The following PTPRZ1 variants were observed in gnomAD, a reference collection of about 807,000 sequenced individuals.
PTPRZ1 encodes the protein receptor-type tyrosine-protein phosphatase zeta.
PTPRZ1 carries 82 observed loss-of-function variants against 214.1 expected under a neutral mutation model. The ratio of observed to expected loss-of-function variants is 0.38; its 90% CI spans 0.32 to 0.46. PTPRZ1 has a LOEUF of 0.46. Among genes scored for constraint, PTPRZ1 ranks in the 20% least tolerant of loss-of-function variants. The pLI is 1.00. For synonymous variants in PTPRZ1, 945 were observed against 987.9 expected (o/e 0.96, Z 0.81); for missense variants, 2,603 against 2,748.7 (o/e 0.95, Z 1.19).
intron 2 of PTPRZ1, among the ~76,000 whole-genome samples, chr7:121,962,044 T>C (rs1452007980): frequency 6.6e-6 from 1 of 152,208 alleles, no homozygotes; most frequent in Non-Finnish European, 1.5e-5. Flanking sequence ...GGCTACAATA[T>C]AGTGAATTCT....
At chr7:122,019,680 CACAT>C (rs1798958754) in intron 13 of PTPRZ1, among the ~76,000 whole-genome samples, 1 of 152,028 alleles carries the variant, frequency 6.6e-6, no homozygotes, top group Non-Finnish European at 1.5e-5. Flanking sequence ...GTATTAACTG[CACAT>C]ACTGATAAAA....
At chr7:121,919,806 C>G (rs988624338) in intron 1 of PTPRZ1, among the ~76,000 whole-genome samples, 1 of 60,688 alleles carries the variant, frequency 1.6e-5, no homozygotes, top group South Asian at 5.6e-4. Flanking sequence ...TTCTATTGAT[C>G]TGTCTATCAA....
Position 121,935,548 on chromosome 7 carries a change from G to T in PTPRZ1, c.124+7327G>T, listed in dbSNP as rs558757662. On this transcript the variant is annotated intron_variant, in intron 2 of 29. Transcript: ENST00000393386. Reference sequence around the variant, plus strand: ...GTTTTTGTTTTTTGGGGTTTTTTTTGTTTGTTTGTTTGTTTGTTTGTTTGT... The same window carrying T: ...GTTTTTGTTTTTTGGGGTTTTTTTTTTTTGTTTGTTTGTTTGTTTGTTTGT... 3.9e-3 allele frequency among the ~76,000 whole-genome samples: 158 copies of T among 40,076 alleles called. 1 individual carries two copies. Among genetic ancestry groups the T allele is most frequent in the Middle Eastern group, 0.014 (1 of 70 alleles). The allele number at this position is 40,076 out of a possible 152,430, so 26.3% of individuals were successfully genotyped here.
Position 122,039,640 on chromosome 7 carries a change from T to C in PTPRZ1, c.5637+52T>C, listed in dbSNP as rs761382808. On this transcript the variant is annotated intron_variant, in intron 20 of 29. Coordinates refer to ENST00000393386, the MANE Select transcript of PTPRZ1 (RefSeq NM_002851.3). ...TCAAGTGAACAATGCATTTGGTCAT[T>C]TTTTAAGTGAATAAGCGATAGAACC... is the stretch of plus-strand genomic sequence containing the variant. The C allele has an allele frequency of 1.9e-6, 3 of 1,589,344 alleles. No homozygotes were observed. The South Asian group carries it at 3.4e-5, about 18-fold the overall frequency.
At chr7:121,913,449 T>G (rs1795335047) in intron 1 of PTPRZ1, among the ~76,000 whole-genome samples, 1 of 152,230 alleles carries the variant, frequency 6.6e-6, no homozygotes, top group Non-Finnish European at 1.5e-5. Context: ...TTAGGGGAAG[T>G]GACCTCAGAA....
chr7:121,971,089 G>C (rs973798519), intron 3 of PTPRZ1, among the ~76,000 whole-genome samples: 1 of 151,938 alleles, frequency 6.6e-6, no homozygotes, highest in Non-Finnish European at 1.5e-5. Context: ...TTTTTTTCAG[G>C]TTTGTCAAAG....
intron 2 of PTPRZ1, among the ~76,000 whole-genome samples, chr7:121,964,707 G>A (rs890787221): frequency 6.6e-6 from 1 of 152,160 alleles, no homozygotes; most frequent in African/African-American, 2.4e-5. Context: ...GAGTTACCAA[G>A]GGAGGAAGTA....
At chr7:122,016,641 T>C (rs181721671) in intron 12 of PTPRZ1, among the ~76,000 whole-genome samples, 1 of 152,044 alleles carries the variant, frequency 6.6e-6, no homozygotes, top group African/African-American at 2.4e-5. Flanking sequence ...AGTGTCTGTA[T>C]ATAAATATGT....
intron 1 of PTPRZ1, among the ~76,000 whole-genome samples, chr7:121,909,948 A>G (rs1315256829): frequency 6.6e-6 from 1 of 152,192 alleles, no homozygotes; most frequent in Admixed American, 6.6e-5. Flanking sequence ...GTTTTAAACT[A>G]CATGCATGTC....
intron 2 of PTPRZ1, among the ~76,000 whole-genome samples, chr7:121,930,574 AT>A (rs1441875095): frequency 1.3e-5 from 2 of 152,080 alleles, no homozygotes; most frequent in Non-Finnish European, 2.9e-5. Flanking sequence ...ATTTCCCCAC[AT>A]TTTCACTAAC....
intron 8 of PTPRZ1, among the ~76,000 whole-genome samples, chr7:121,984,967 T>C (rs141289801): frequency 8.6e-4 from 131 of 152,318 alleles, no homozygotes; most frequent in Non-Finnish European, 1.7e-3. Flanking sequence ...GATGGACCTC[T>C]TTGATATCAG....
chr7:121,904,536 T>A (rs1795063537), intron 1 of PTPRZ1, among the ~76,000 whole-genome samples: 1 of 152,212 alleles, frequency 6.6e-6, no homozygotes, highest in Admixed American at 6.5e-5. Flanking sequence ...TTTGAGTTTT[T>A]AATTTTTGAT....
intron 1 of PTPRZ1, among the ~76,000 whole-genome samples, chr7:121,895,978 G>A (rs902666100): frequency 5.9e-5 from 9 of 152,086 alleles, no homozygotes; most frequent in African/African-American, 2.2e-4. Context: ...AGGCTCCCTA[G>A]TCATTCTGCC....
chr7:121,902,674 T>C (rs191917653), intron 1 of PTPRZ1, among the ~76,000 whole-genome samples: 157 of 152,292 alleles, frequency 1.0e-3, no homozygotes, highest in African/African-American at 3.6e-3. Flanking sequence ...TTGAGAAATA[T>C]CTATTCAGAT....
intron 1 of PTPRZ1, among the ~76,000 whole-genome samples, chr7:121,918,744 A>C (rs1563017130): frequency 6.6e-6 from 1 of 152,084 alleles, no homozygotes; most frequent in African/African-American, 2.4e-5. Context: ...ATATGAAAAA[A>C]TAAAAATCAC....
chr7:121,903,117 C>T (rs1795018577), intron 1 of PTPRZ1, among the ~76,000 whole-genome samples: 1 of 152,176 alleles, frequency 6.6e-6, no homozygotes, highest in Non-Finnish European at 1.5e-5. Flanking sequence ...CAGTCCGTTG[C>T]TTGCATAGAA....
chr7:121,940,367 C>G (rs1410575015), intron 2 of PTPRZ1, among the ~76,000 whole-genome samples: 1 of 152,146 alleles, frequency 6.6e-6, no homozygotes, highest in Non-Finnish European at 1.5e-5. Flanking sequence ...GATTAATCAA[C>G]ATTGTCACAC....
At chr7:121,908,796 G>C (rs761206511) in intron 1 of PTPRZ1, 2 of 490,466 alleles carry the variant, frequency 4.1e-6, no homozygotes, top group Non-Finnish European at 8.0e-6. Flanking sequence ...ATCTTTCTGG[G>C]ATAAATGTGA....
At chr7:121,873,618 A>G in intron 1 of PTPRZ1, 61 bp downstream of exon 1, 1 of 1,582,968 alleles carries the variant, frequency 6.3e-7, no homozygotes, top group Non-Finnish European at 8.7e-7. Flanking sequence ...GGGTGGGAGC[A>G]TTTCAGCGTG....
Sources: gnomAD v4.1 joint callset for allele counts (sites outside exome capture counted in the v4.1 genomes callset) on GRCh38, gnomAD v4.1.1 for gene constraint, MANE v1.5 for transcripts, NCBI Gene and HGNC (gene_info 2026-07-23, HGNC 2026-07-21) for gene names.